PCBP3: variants seen among roughly 807,000 people sequenced by gnomAD.
The protein encoded by PCBP3 is poly(rC) binding protein 3.
A neutral mutation model predicts 52.7 loss-of-function variants in PCBP3; 25 were observed. The observed-to-expected ratio is 0.47, with a 90% CI of 0.35 to 0.66. PCBP3 has a LOEUF of 0.66. PCBP3 is among the 30% of genes least tolerant of loss of function. The pLI, the probability that PCBP3 is intolerant of heterozygous loss-of-function variation, is 0.01. For synonymous variants in PCBP3, 162 were observed against 183.0 expected (o/e 0.89, Z 0.93); for missense variants, 391 against 490.3 (o/e 0.80, Z 1.91).
rs760529419 is a variant in PCBP3 at position 45,940,078 on chromosome 21, C to A, written c.958C>A (p.Arg320=). 1 of 1,613,976 alleles carries A rather than the reference C, an allele frequency of 6.2e-7. No individual in the cohort carries two copies. Among genetic ancestry groups the A allele is most frequent in the African/African-American group, 1.3e-5 (1 of 74,926 alleles). The change falls in exon 17 of 18, where the codon CGA becomes AGA. Residue 320 remains arginine (R), a synonymous_variant. Coordinates refer to ENST00000681687, the MANE Select transcript of PCBP3 (RefSeq NM_001384156.1). Reference sequence around the variant, plus strand: ...CCAAGGGACCAAAATCAATGAAATTCGACAGATGTCTGGAGCTCAGATCAA... The same window carrying A: ...CCAAGGGACCAAAATCAATGAAATTAGACAGATGTCTGGAGCTCAGATCAA... ...GRQGTKINEI[R]QMSGAQIKIA...
chr21:45,757,134 G>A (rs962904345), intron 4 of PCBP3, among the ~76,000 whole-genome samples: 1 of 152,132 alleles, frequency 6.6e-6, no homozygotes, highest in Non-Finnish European at 1.5e-5. Flanking sequence ...TGTACCATTC[G>A]ACATTCCCAC....
At chr21:45,931,864 T>C (rs570340981) in intron 15 of PCBP3, among the ~76,000 whole-genome samples, 1 of 151,414 alleles carries the variant, frequency 6.6e-6, no homozygotes, top group South Asian at 2.1e-4. Flanking sequence ...GGCCATGCCG[T>C]CCTGAGATGA....
At chr21:45,938,840 C>T (rs2077151033) in intron 16 of PCBP3, among the ~76,000 whole-genome samples, 1 of 152,212 alleles carries the variant, frequency 6.6e-6, no homozygotes, top group Non-Finnish European at 1.5e-5. Context: ...AGAGTTGAGA[C>T]ACCATAGGTC....
At chr21:45,891,202 A>C (rs182141137) in intron 5 of PCBP3, among the ~76,000 whole-genome samples, 1 of 152,240 alleles carries the variant, frequency 6.6e-6, no homozygotes, top group Non-Finnish European at 1.5e-5. Context: ...ACAGTTTCTT[A>C]GGAAGTTCCA....
chr21:45,805,075 C>T lies in PCBP3; in HGVS notation c.-125-44886C>T, dbSNP rs551518124. ...GGCACAGCCCTGCTGTGGGGAGAGC[C>T]GTGCAGCCCCAGGCCGTGTGTGGGA... is the stretch of plus-strand genomic sequence containing the variant. On this transcript the variant is annotated intron_variant, in intron 4 of 17. Coordinates refer to ENST00000681687, the MANE Select transcript of PCBP3 (RefSeq NM_001384156.1). The surrounding 1 kb of genome is among the most constrained non-coding windows in gnomAD (Gnocchi z 4.6). Among the ~76,000 whole-genome samples the T allele has an allele frequency of 1.3e-5, 2 of 152,130 alleles. No individual in the cohort carries two copies. Among genetic ancestry groups the T allele is most frequent in the African/African-American group, 2.4e-5 (1 of 41,434 alleles).
At chr21:45,797,686 A>AC (rs1425899799) in intron 4 of PCBP3, among the ~76,000 whole-genome samples, 143 of 152,032 alleles carry the variant, frequency 9.4e-4, no homozygotes, top group Middle Eastern at 3.4e-3. Flanking sequence ...GAATGCATAG[A>AC]TGGACGAGTG....
At chr21:45,925,399 A>T (rs2075267947) in intron 13 of PCBP3, among the ~76,000 whole-genome samples, 1 of 152,250 alleles carries the variant, frequency 6.6e-6, no homozygotes, top group Admixed American at 6.5e-5. Context: ...AGTGAAATAA[A>T]AAAGAAACTC....
rs902656765 is a variant in PCBP3, at chr21:45,917,341, C to G, written c.676-247C>G. 2 of 438,224 alleles carry G rather than the reference C, an allele frequency of 4.6e-6. No homozygotes were observed. The highest frequency in any genetic ancestry group is 8.3e-6 in the Non-Finnish European group (2 of 241,188). The allele number at this position is 438,224 out of a possible 1,614,324, so 27.1% of individuals were successfully genotyped here. On this transcript the variant is annotated intron_variant, in intron 12 of 17. Transcript: ENST00000681687. The surrounding 1 kb of genome is among the most constrained non-coding windows in gnomAD (Gnocchi z 5.3). ...TGGAGTCGGAAGCATCAAGGCTGAA[C>G]TGTTTCCCTCCCACCCGCTGAACTG...
At chr21:45,832,797 C>T (rs1219810681) in intron 4 of PCBP3, 1 of 152,224 alleles carries the variant, frequency 6.6e-6, no homozygotes, top group Non-Finnish European at 1.5e-5. Flanking sequence ...ACTCATAGTT[C>T]CACATGGCTG....
At chr21:45,815,067 GATGA>G (rs1319110679) in intron 4 of PCBP3, among the ~76,000 whole-genome samples, 2 of 100,328 alleles carry the variant, frequency 2.0e-5, no homozygotes, top group Admixed American at 9.4e-5. Flanking sequence ...TTGAGTGAGT[GATGA>G]GTGATGGGTG....
At chr21:45,879,509 T>C (rs2095349710) in intron 5 of PCBP3, among the ~76,000 whole-genome samples, 1 of 152,194 alleles carries the variant, frequency 6.6e-6, no homozygotes, top group Non-Finnish European at 1.5e-5. Context: ...GACACCACAG[T>C]ACACGTGGTT....
At chr21:45,661,450 T>G (rs2080383978) in intron 1 of PCBP3, among the ~76,000 whole-genome samples, 1 of 152,250 alleles carries the variant, frequency 6.6e-6, no homozygotes. Flanking sequence ...GATAATGGCC[T>G]CCATTTCTAT....
intron 5 of PCBP3, among the ~76,000 whole-genome samples, chr21:45,875,909 G>A (rs2095243663): frequency 6.6e-6 from 1 of 152,208 alleles, no homozygotes; most frequent in Non-Finnish European, 1.5e-5. Context: ...CCAGCCCACA[G>A]CCAATTTCTC....
At chr21:45,714,311 C>T (rs2084064751) in intron 2 of PCBP3, among the ~76,000 whole-genome samples, 2 of 152,180 alleles carry the variant, frequency 1.3e-5, no homozygotes, top group South Asian at 4.1e-4. Flanking sequence ...ATGTCCAAAA[C>T]TGAACTCTTG....
chr21:45,675,076 A>T (rs1556335), intron 2 of PCBP3, among the ~76,000 whole-genome samples: 1 of 152,012 alleles, frequency 6.6e-6, no homozygotes, highest in Non-Finnish European at 1.5e-5. Flanking sequence ...CTGTGGTAAG[A>T]TCCCAAGAAA....
rs562102453 is a variant in PCBP3, at chr21:45,736,326, A to G, written c.-162+897A>G. ...GCTGGGATTTGAGCCAAGTCTTCCA[A>G]CTTCACAATAGCAGAGTAAGAAGAG... On this transcript the variant is annotated intron_variant, in intron 3 of 17. Transcript: ENST00000681687. The surrounding 1 kb of genome is among the most constrained non-coding windows in gnomAD (Gnocchi z 4.6). Among the ~76,000 whole-genome samples, 15 of 152,262 alleles carry G rather than the reference A, an allele frequency of 9.9e-5. No individual in the cohort carries two copies. Among genetic ancestry groups the G allele is most frequent in the Admixed American group, 2.0e-4 (3 of 15,298 alleles).
chr21:45,748,183 C>T (rs1460018392), intron 3 of PCBP3: 2 of 152,550 alleles, frequency 1.3e-5, no homozygotes, highest in African/African-American at 4.8e-5. Flanking sequence ...ACAAATGCAC[C>T]ATCCATTCAT....
chr21:45,826,937 G>T (rs951147465), intron 4 of PCBP3, among the ~76,000 whole-genome samples: 1 of 152,032 alleles, frequency 6.6e-6, no homozygotes, highest in Non-Finnish European at 1.5e-5. Context: ...GAGAGTTGAG[G>T]CTTCTGCTTG....
intron 5 of PCBP3, among the ~76,000 whole-genome samples, chr21:45,887,189 G>A (rs1043390318): frequency 4.6e-5 from 7 of 152,236 alleles, no homozygotes; most frequent in African/African-American, 1.7e-4. Flanking sequence ...CCTGGTCCCT[G>A]GCTAGTCTGC....
Sources: gnomAD v4.1 joint callset for allele counts (sites outside exome capture counted in the v4.1 genomes callset) on GRCh38, gnomAD v4.1.1 for gene constraint, Gnocchi (gnomAD v3.1) non-coding constraint, MANE v1.5 for transcripts, NCBI Gene and HGNC (gene_info 2026-07-23, HGNC 2026-07-21) for gene names.